The following ZNHIT6 variants were observed in gnomAD, a reference collection of about 807,000 sequenced individuals.
The protein encoded by ZNHIT6 is box C/D snoRNA protein 1.
ZNHIT6 carries 45 observed loss-of-function variants against 57.2 expected under a neutral mutation model. The observed-to-expected ratio is 0.79, with a 90% CI of 0.62 to 1.01. The LOEUF (loss-of-function observed/expected upper bound fraction) is 1.01. Ranked by LOEUF, ZNHIT6 falls within the 50% of genes least tolerant of loss-of-function variation. The pLI is 0.00. For synonymous variants in ZNHIT6, 188 were observed against 190.0 expected (o/e 0.99, Z 0.09); for missense variants, 528 against 567.3 (o/e 0.93, Z 0.70).
intron 4 of ZNHIT6, among the ~76,000 whole-genome samples, chr1:85,702,724 G>A (rs1193543345): frequency 6.6e-6 from 1 of 152,222 alleles, no homozygotes; most frequent in Non-Finnish European, 1.5e-5. Flanking sequence ...CTCAAGGGAA[G>A]AGCCAAGGCA....
Position 85,650,581 on chromosome 1 carries a change from T to G in ZNHIT6, c.*3477A>C, listed in dbSNP as rs1331461089. ...CTATAATAGAATATCTAAGACTGGG[T>G]AACTTATTTTTAAAAAGAGTTTTAT... On this transcript the variant is annotated 3_prime_UTR_variant, in exon 10 of 10. Coordinates refer to ENST00000370574, the MANE Select transcript of ZNHIT6 (RefSeq NM_017953.4). 1 of 152,158 alleles carries G rather than the reference T, an allele frequency of 6.6e-6. No homozygotes were observed. The highest frequency in any genetic ancestry group is 1.9e-4 in the East Asian group (1 of 5,196). 9.4% of individuals were successfully genotyped at this position (152,158 alleles called of 1,614,324 possible).
chr1:85,683,294 A>G (rs558320681), intron 5 of ZNHIT6, among the ~76,000 whole-genome samples: 1 of 152,288 alleles, frequency 6.6e-6, no homozygotes, highest in Admixed American at 6.5e-5. Flanking sequence ...CAAGGTGGGC[A>G]GATCATGAGG....
intron 5 of ZNHIT6, among the ~76,000 whole-genome samples, chr1:85,689,906 T>G (rs906467374): frequency 1.3e-5 from 2 of 152,002 alleles, no homozygotes; most frequent in African/African-American, 4.8e-5. Flanking sequence ...TAAGAAACAC[T>G]AGAAAGTAGA....
rs1243233672 is a variant in ZNHIT6, at chr1:85,707,769, T to C, written c.516A>G (p.Ile172Met). 6.8e-6 allele frequency: 11 copies of C among 1,614,064 alleles called. No individual in the cohort carries two copies. The highest frequency in any genetic ancestry group is 1.6e-4 in the Middle Eastern group (1 of 6,082). ...ACTCTCCATGCATCAATTCCTCTTT[T>C]ATGCATTGACCAACAAACTTCTCCT... ...KQEEKFVGQC[I>M]KEELMHGECV... Residue 172 changes from isoleucine to methionine, a missense_variant, in exon 1 of 10, where the codon ATA becomes ATG. Coordinates refer to ENST00000370574, the MANE Select transcript of ZNHIT6 (RefSeq NM_017953.4).
chr1:85,671,569 A>T (rs974141531), intron 8 of ZNHIT6, among the ~76,000 whole-genome samples: 1 of 152,210 alleles, frequency 6.6e-6, no homozygotes, highest in Admixed American at 6.5e-5. Context: ...TGTGGAACTT[A>T]AACACCTCTT....
intron 5 of ZNHIT6, among the ~76,000 whole-genome samples, chr1:85,696,566 A>G (rs911521337): frequency 1.3e-5 from 2 of 152,106 alleles, no homozygotes; most frequent in African/African-American, 2.4e-5. Flanking sequence ...ATGTGTACAT[A>G]TATCTCCTGA....
intron 8 of ZNHIT6, among the ~76,000 whole-genome samples, chr1:85,668,699 CAA>C (rs1557842925): frequency 2.0e-5 from 3 of 152,226 alleles, no homozygotes; most frequent in South Asian, 2.1e-4. Context: ...AAGTCTAAAA[CAA>C]AGTCATCTAA....
chr1:85,666,450 T>C (rs904179384), intron 8 of ZNHIT6, among the ~76,000 whole-genome samples: 20 of 152,016 alleles, frequency 1.3e-4, no homozygotes, highest in Non-Finnish European at 2.6e-4. Context: ...TAGAATATAT[T>C]TGAAGTAAGA....
intron 8 of ZNHIT6, among the ~76,000 whole-genome samples, chr1:85,662,080 G>C (rs1661239429): frequency 6.7e-6 from 1 of 149,900 alleles, no homozygotes. Context: ...TCTTGACTCT[G>C]TCACTAACTT....
In ZNHIT6 at chr1:85,678,794, G is replaced by GA. The variant is rs34953954; in HGVS notation, c.1089-14dup. Reference sequence around the variant, plus strand: ...ATCATCTGGTACTCTTTACAACAAAGAAAAAAAAACAAGCTATATTAGTAT... The same window carrying GA: ...ATCATCTGGTACTCTTTACAACAAAGAAAAAAAAAACAAGCTATATTAGTAT... On this transcript the variant is annotated splice_polypyrimidine_tract_variant and intron_variant, in intron 6 of 9. Transcript: ENST00000370574. 0.01 allele frequency: 13,313 copies of GA among 1,329,948 alleles called. 294 individuals carry two copies. The highest frequency in any genetic ancestry group is 0.096 in the Admixed American group (3,615 of 37,508). The allele number at this position is 1,329,948 out of a possible 1,614,324, so 82.4% of individuals were successfully genotyped here. A position where few individuals can be genotyped will look rare whatever the true frequency, so the allele number is the denominator to read the frequency against.
intron 5 of ZNHIT6, among the ~76,000 whole-genome samples, chr1:85,700,787 C>T (rs972963507): frequency 7.2e-5 from 11 of 152,192 alleles, no homozygotes; most frequent in African/African-American, 2.7e-4. Flanking sequence ...AATCATCTCA[C>T]ATTTGATAAA....
intron 8 of ZNHIT6, among the ~76,000 whole-genome samples, chr1:85,663,959 C>T (rs1420628814): frequency 6.6e-6 from 1 of 152,064 alleles, no homozygotes; most frequent in Non-Finnish European, 1.5e-5. Context: ...CCTGCCCCTT[C>T]TCTCTAGCTG....
chr1:85,699,863 G>A (rs1662478410), intron 5 of ZNHIT6, among the ~76,000 whole-genome samples: 1 of 151,974 alleles, frequency 6.6e-6, no homozygotes, highest in Admixed American at 6.6e-5. Context: ...TATAGTCAAA[G>A]GTGGAATACC....
At chr1:85,683,540 A>AG (rs2100687983) in intron 5 of ZNHIT6, among the ~76,000 whole-genome samples, 1 of 152,024 alleles carries the variant, frequency 6.6e-6, no homozygotes, top group East Asian at 1.9e-4. Flanking sequence ...AAAAAAAAAA[A>AG]TTGCTGAAAT....
chr1:85,687,060 A>G (rs1474130798), intron 5 of ZNHIT6, among the ~76,000 whole-genome samples: 3 of 151,866 alleles, frequency 2.0e-5, no homozygotes, highest in Non-Finnish European at 2.9e-5. Flanking sequence ...ACTTGAGGTC[A>G]GGAGTTCGAG....
At chr1:85,664,708 A>T (rs1406283182) in intron 8 of ZNHIT6, among the ~76,000 whole-genome samples, 1 of 152,132 alleles carries the variant, frequency 6.6e-6, no homozygotes, top group Non-Finnish European at 1.5e-5. Flanking sequence ...TAATCTGTAC[A>T]ACAAACCCTT....
At chr1:85,667,817 C>T (rs1344371013) in intron 8 of ZNHIT6, among the ~76,000 whole-genome samples, 1 of 149,780 alleles carries the variant, frequency 6.7e-6, no homozygotes, top group African/African-American at 2.5e-5. Context: ...GCCTGTGATC[C>T]CAGCTACTTG....
chr1:85,672,734 T>C (rs995754256), intron 8 of ZNHIT6, among the ~76,000 whole-genome samples: 13 of 151,550 alleles, frequency 8.6e-5, no homozygotes, highest in Non-Finnish European at 1.5e-4. Context: ...GAAGATTAAA[T>C]GTACTTAATG....
At chr1:85,665,128 T>C (rs568750653) in intron 8 of ZNHIT6, among the ~76,000 whole-genome samples, 13 of 151,718 alleles carry the variant, frequency 8.6e-5, no homozygotes, top group Non-Finnish European at 1.3e-4. Flanking sequence ...CAAATGTCCT[T>C]TGTTCTTGCA....
Sources: allele counts gnomAD v4.1 joint callset (sites outside exome capture counted in the v4.1 genomes callset), GRCh38; gene constraint gnomAD v4.1.1; transcripts MANE v1.5; gene names NCBI Gene and HGNC (gene_info 2026-07-23, HGNC 2026-07-21).